The following MFAP3L variants were observed in gnomAD, a reference collection of about 807,000 sequenced individuals.
MFAP3L encodes the protein microfibril associated protein 3 like.
In MFAP3L, 5 loss-of-function variants were observed where a neutral mutation model predicts 20.0. The observed-to-expected ratio is 0.25, with a 90% CI of 0.13 to 0.53. The LOEUF (loss-of-function observed/expected upper bound fraction) is 0.53. MFAP3L is among the 20% of genes least tolerant of loss of function. MFAP3L has a pLI of 0.96. For missense variants in MFAP3L, 409 were observed against 527.5 expected (o/e 0.78, Z 2.20); for synonymous variants, 219 against 213.0 (o/e 1.03, Z -0.25).
intron 2 of MFAP3L, chr4:170,002,364 T>A: frequency 1.9e-6 from 1 of 530,122 alleles, no homozygotes; most frequent in Non-Finnish European, 2.4e-6. Context: ...TAGGGCTTAT[T>A]ATAAGGATTA....
At position 169,997,799 on chromosome 4, in the gene MFAP3L, A is replaced by ACTTT. The variant is rs1553998612; in HGVS notation, c.299-5491_299-5490insAAAG. ...TGCCCAGCTCGGCCTCCTTTCATTA[A>ACTTT]TTCTTTTTTTTTTTTTTTTAATATT... On this transcript the variant is annotated intron_variant, in intron 2 of 2. Transcript: ENST00000361618. 4 of 888,360 alleles carry ACTTT rather than the reference A, an allele frequency of 4.5e-6. No homozygotes were observed. The African/African-American group carries it at 1.7e-4, about 37-fold the overall frequency. The allele number at this position is 888,360 out of a possible 1,614,324, so 55.0% of individuals were successfully genotyped here. A position where few individuals can be genotyped will look rare whatever the true frequency, so the allele number is the denominator to read the frequency against.
chr4:170,010,822 C>T (rs567693167), intron 1 of MFAP3L, among the ~76,000 whole-genome samples: 19 of 151,214 alleles, frequency 1.3e-4, no homozygotes, highest in Non-Finnish European at 2.2e-4. Context: ...GGGGTGGGTG[C>T]CCCTAACCCA....
At chr4:170,015,307 G>A (rs1739628675) in intron 1 of MFAP3L, among the ~76,000 whole-genome samples, 1 of 152,172 alleles carries the variant, frequency 6.6e-6, no homozygotes, top group Non-Finnish European at 1.5e-5. Context: ...ATCTATCATA[G>A]TATGATCATG....
At chr4:170,014,437 G>A (rs1739573245) in intron 1 of MFAP3L, among the ~76,000 whole-genome samples, 1 of 152,186 alleles carries the variant, frequency 6.6e-6, no homozygotes, top group Non-Finnish European at 1.5e-5. Flanking sequence ...ACATCAGTGA[G>A]TCAGAACTCT....
upstream of MFAP3L, chr4:170,027,238 T>G (rs965214224): frequency 2.3e-4 from 35 of 151,114 alleles, no homozygotes; most frequent in Non-Finnish European, 3.5e-4. Flanking sequence ...TTTTTTTTTT[T>G]TAATTTTAAA....
chr4:170,024,356 T>C (rs945901642), intron 1 of MFAP3L, among the ~76,000 whole-genome samples: 3 of 152,046 alleles, frequency 2.0e-5, no homozygotes, highest in Admixed American at 2.0e-4. Context: ...TCACAAAAAG[T>C]AAACTGAGGC....
rs987035038 is a variant in MFAP3L at position 170,015,616 on chromosome 4, A to G, written c.-133-9606T>C. Among the ~76,000 whole-genome samples, 51 of 152,180 alleles carry G rather than the reference A, an allele frequency of 3.4e-4. 2 individuals are homozygous for G. The highest frequency in any genetic ancestry group is 1.2e-4 in the Non-Finnish European group (8 of 68,026). ...AATGGATTCAAGCTCTGAAAGTATT[A>G]GGACGCCCCCCATTCATACCCTCTC... On this transcript the variant is annotated intron_variant, in intron 1 of 2. Transcript: ENST00000361618.
intron 2 of MFAP3L, among the ~76,000 whole-genome samples, chr4:170,000,952 G>A (rs977078231): frequency 6.6e-6 from 1 of 152,002 alleles, no homozygotes; most frequent in Non-Finnish European, 1.5e-5. Flanking sequence ...TGAATTCCTG[G>A]GCTCAAGTGA....
intron 2 of MFAP3L, among the ~76,000 whole-genome samples, chr4:170,001,797 CA>C (rs755175185): frequency 1.3e-5 from 2 of 152,150 alleles, no homozygotes; most frequent in South Asian, 2.1e-4. Context: ...ACTACAAAAA[CA>C]AAAGTCTTCC....
At chr4:169,996,795 C>T (rs1738206331) in intron 2 of MFAP3L, among the ~76,000 whole-genome samples, 1 of 152,160 alleles carries the variant, frequency 6.6e-6, no homozygotes, top group African/African-American at 2.4e-5. Flanking sequence ...GCTTCACGAC[C>T]TCATTTACAT....
intron 1 of MFAP3L, among the ~76,000 whole-genome samples, chr4:170,012,764 C>G (rs772760143): frequency 6.6e-6 from 1 of 152,184 alleles, no homozygotes. Flanking sequence ...ACAATACGCA[C>G]TTATTAATTG....
At chr4:170,024,237 CTT>C (rs1740212807) in intron 1 of MFAP3L, among the ~76,000 whole-genome samples, 1 of 152,062 alleles carries the variant, frequency 6.6e-6, no homozygotes, top group South Asian at 2.1e-4. Context: ...GTAAGTAAGT[CTT>C]TGATTAAATT....
intron 1 of MFAP3L, among the ~76,000 whole-genome samples, chr4:170,009,157 G>C (rs2111019720): frequency 6.6e-6 from 1 of 152,180 alleles, no homozygotes; most frequent in East Asian, 1.9e-4. Context: ...GGCTGACGCA[G>C]GCGGATCACG....
rs999674181 is a variant in MFAP3L at position 170,017,629 on chromosome 4, G to T, written c.-134+8605C>A. ...AAGCTTCAGCAACCCTCATAACATTGTAGCTAATTATTTTAAAATTTTGTT... is the reference window on the plus strand; with the variant it reads ...AAGCTTCAGCAACCCTCATAACATTTTAGCTAATTATTTTAAAATTTTGTT... On this transcript the variant is annotated intron_variant, in intron 1 of 2. Coordinates refer to ENST00000361618, the MANE Select transcript of MFAP3L (RefSeq NM_021647.8). Among the ~76,000 whole-genome samples, 31 of 152,134 alleles carry T rather than the reference G, an allele frequency of 2.0e-4. 1 individual carries two copies. Among genetic ancestry groups the T allele is most frequent in the Non-Finnish European group, 1.5e-5 (1 of 68,032 alleles).
upstream of MFAP3L, chr4:170,027,249 AG>A: frequency 6.7e-6 from 1 of 148,618 alleles, no homozygotes; most frequent in South Asian, 2.2e-4. Flanking sequence ...TAATTTTAAA[AG>A]AGAACAGAGA....
chr4:170,026,984 A>G (rs2111100858), upstream of MFAP3L: 1 of 152,304 alleles, frequency 6.6e-6, no homozygotes, highest in Non-Finnish European at 1.5e-5. Context: ...CACAGATGGA[A>G]GAGTCTGGAA....
At chr4:169,996,062 C>T (rs1433250706) in intron 2 of MFAP3L, among the ~76,000 whole-genome samples, 9 of 139,982 alleles carry the variant, frequency 6.4e-5, no homozygotes, top group Non-Finnish European at 9.2e-5. Flanking sequence ...CTCTCAGCTC[C>T]TGTTCTGGAA....
At chr4:170,027,254 ACAG>A (rs1730510515), upstream of MFAP3L, 1 of 146,194 alleles carries the variant, frequency 6.8e-6, no homozygotes, top group South Asian at 2.2e-4. Context: ...TTAAAAGAGA[ACAG>A]AGACTCTCAA....
chr4:170,000,841 G>A (rs1357148441), intron 2 of MFAP3L, among the ~76,000 whole-genome samples: 1 of 151,958 alleles, frequency 6.6e-6, no homozygotes, highest in Non-Finnish European at 1.5e-5. Context: ...TCCCACCTCA[G>A]CCTCCCCAGT....
Sources: allele counts gnomAD v4.1 joint callset (sites outside exome capture counted in the v4.1 genomes callset), GRCh38; gene constraint gnomAD v4.1.1; transcripts MANE v1.5; gene names NCBI Gene and HGNC (gene_info 2026-07-23, HGNC 2026-07-21).